Variants in ARGLU1 observed in about 807,000 individuals in gnomAD.
The protein encoded by ARGLU1 is arginine and glutamate rich 1, also known as arginine and glutamate-rich protein 1.
ARGLU1 carries 9 observed loss-of-function variants against 37.6 expected under a neutral mutation model. The ratio of observed to expected loss-of-function variants is 0.24; its 90% CI spans 0.14 to 0.42. The LOEUF (loss-of-function observed/expected upper bound fraction) is 0.42, where lower values mean the gene tolerates loss of function less well. Ranked by LOEUF, ARGLU1 falls within the 10% of genes least tolerant of loss-of-function variation. The pLI is 1.00. For missense variants in ARGLU1, 211 were observed against 359.2 expected, an observed-to-expected ratio of 0.59 and a Z score of 3.34; for synonymous variants, 166 against 138.5, an observed-to-expected ratio of 1.20 and a Z score of -1.39.
chr13:106,545,922 G>A (rs374880181), intron 3 of ARGLU1, among the ~76,000 whole-genome samples: 4 of 152,238 alleles, frequency 2.6e-5, no homozygotes, highest in South Asian at 4.1e-4. Flanking sequence ...CCTGGCTACT[G>A]GACACATCCA....
chr13:106,553,510 T>C (rs1880585572), intron 3 of ARGLU1, among the ~76,000 whole-genome samples: 1 of 152,228 alleles, frequency 6.6e-6, no homozygotes, highest in Non-Finnish European at 1.5e-5. Flanking sequence ...TTACTGTTAA[T>C]TGTCTTTGGA....
At chr13:106,556,459 T>C (rs545495193) in intron 3 of ARGLU1, among the ~76,000 whole-genome samples, 23 of 152,324 alleles carry the variant, frequency 1.5e-4, no homozygotes, top group African/African-American at 5.5e-4. Flanking sequence ...CACTGTTAAC[T>C]ACTCAGACCC....
At chr13:106,547,284 C>G (rs555972596) in intron 3 of ARGLU1, among the ~76,000 whole-genome samples, 12 of 152,198 alleles carry the variant, frequency 7.9e-5, no homozygotes, top group South Asian at 2.1e-4. Context: ...AAAGAGCACT[C>G]TCACACTATC....
rs750578052 is a variant in ARGLU1 at position 106,559,558 on chromosome 13, C to G, written c.447G>C (p.Arg149Ser). Reference sequence around the variant, plus strand: ...GAACTTCTCGTTCAATTTCATCCTTCCTTTTCTCCAGTTCTTCCTCCACCC... The same window carrying G: ...GAACTTCTCGTTCAATTTCATCCTTGCTTTTCTCCAGTTCTTCCTCCACCC... ...AKRVEEELEK[R>S]KDEIEREVLR... The change falls in exon 2 of 4, where the codon AGG (arginine) becomes AGC (serine). Residue 149 changes from arginine to serine, a missense_variant. Arg to Ser is a moderately radical substitution (Grantham distance 110, BLOSUM62 -1). Around this residue, in one of 3 missense-constraint regions of ARGLU1, gnomAD observed 80 missense variants for 158.4 expected, o/e 0.51. Transcript: ENST00000400198. 6.2e-7 allele frequency: 1 copy of G among 1,614,220 alleles called. No individual in the cohort carries two copies. The highest frequency in any genetic ancestry group is 1.3e-5 in the African/African-American group (1 of 75,060).
chr13:106,559,132 C>T, intron 2 of ARGLU1: 1 of 1,317,236 alleles, frequency 7.6e-7, no homozygotes, highest in Non-Finnish European at 9.8e-7. Flanking sequence ...CCACCGTCCT[C>T]CCAAAAAAGA....
At chr13:106,552,880 G>T (rs1400675488) in intron 3 of ARGLU1, among the ~76,000 whole-genome samples, 1 of 152,050 alleles carries the variant, frequency 6.6e-6, no homozygotes, top group Non-Finnish European at 1.5e-5. Context: ...TTTTGTCTCT[G>T]TTGACAAACC....
chr13:106,551,779 C>A (rs951278253), intron 3 of ARGLU1, among the ~76,000 whole-genome samples: 1 of 152,178 alleles, frequency 6.6e-6, no homozygotes, highest in Non-Finnish European at 1.5e-5. Flanking sequence ...GCCTACATCA[C>A]TTCAATCTTC....
chr13:106,547,612 A>C (rs2138964220), intron 3 of ARGLU1, among the ~76,000 whole-genome samples: 1 of 152,358 alleles, frequency 6.6e-6, no homozygotes, highest in South Asian at 2.1e-4. Context: ...TAAATGAAAA[A>C]AAGAAAGTTC....
intron 1 of ARGLU1, among the ~76,000 whole-genome samples, chr13:106,560,070 G>A (rs898149195): frequency 3.3e-5 from 5 of 152,174 alleles, no homozygotes; most frequent in Admixed American, 6.5e-5. Flanking sequence ...AAATTATGTA[G>A]CAGGCAACTC....
At chr13:106,559,814 AC>A (rs1880747629) in intron 1 of ARGLU1, among the ~76,000 whole-genome samples, 157 bp from the exon 2 acceptor site, 1 of 152,234 alleles carries the variant, frequency 6.6e-6, no homozygotes, top group Non-Finnish European at 1.5e-5. Flanking sequence ...AATGACAGAT[AC>A]CAAGATGTTA....
At chr13:106,559,129 C>A in intron 2 of ARGLU1, 1 of 1,309,582 alleles carries the variant, frequency 7.6e-7, no homozygotes, top group Non-Finnish European at 9.8e-7. Context: ...TCCCCACCGT[C>A]CTCCCAAAAA....
intron 1 of ARGLU1, among the ~76,000 whole-genome samples, chr13:106,562,279 A>G (rs921416111): frequency 3.3e-5 from 5 of 152,232 alleles, no homozygotes; most frequent in African/African-American, 1.2e-4. Flanking sequence ...ACAATGCTGA[A>G]GGAAAGCTCA....
rs1456775467 is a variant in ARGLU1, at chr13:106,543,508, T to A, written c.*488A>T. On this transcript the variant is annotated 3_prime_UTR_variant, in exon 4 of 4. Transcript: ENST00000400198. ...GTATCAGGAACATCAAGAGCAACAG[T>A]ATCACAAGGACACTGGTTTAACAAT... 1 of 152,938 alleles carries A rather than the reference T, an allele frequency of 6.5e-6. No individual in the cohort carries two copies. The highest frequency in any genetic ancestry group is 2.1e-4 in the South Asian group (1 of 4,838). The allele number at this position is 152,938 out of a possible 1,614,324, so 9.5% of individuals were successfully genotyped here. A position where few individuals can be genotyped will look rare whatever the true frequency, so the allele number is the denominator to read the frequency against.
intron 3 of ARGLU1, among the ~76,000 whole-genome samples, chr13:106,545,382 T>C (rs945697791): frequency 1.3e-5 from 2 of 152,238 alleles, no homozygotes; most frequent in African/African-American, 4.8e-5. Context: ...TTTAGGTCAT[T>C]GATTCCATCT....
chr13:106,560,971 GTTAC>G, intron 1 of ARGLU1, among the ~76,000 whole-genome samples: 1 of 152,288 alleles, frequency 6.6e-6, no homozygotes, highest in East Asian at 1.9e-4. Flanking sequence ...TTCAACTCCT[GTTAC>G]TTATTCAGTG....
intron 3 of ARGLU1, among the ~76,000 whole-genome samples, chr13:106,552,496 G>GTA (rs1880556769): frequency 6.6e-6 from 1 of 152,098 alleles, no homozygotes; most frequent in Non-Finnish European, 1.5e-5. Context: ...CTTGACAAGG[G>GTA]TATAGATTGA....
At chr13:106,564,179 C>T (rs772101507) in intron 1 of ARGLU1, among the ~76,000 whole-genome samples, 1 of 152,120 alleles carries the variant, frequency 6.6e-6, no homozygotes, top group African/African-American at 2.4e-5. Flanking sequence ...ATGTAAAGGC[C>T]TACCTTCTCA....
chr13:106,542,821 A>G lies in ARGLU1; in HGVS notation c.*1175T>C, dbSNP rs949479940. ...ATGAAAGCCATTCATAAGATTTCAC[A>G]TGCAAAAAAAAAAAAAAAATTCATA... On this transcript the variant is annotated 3_prime_UTR_variant, in exon 4 of 4. Transcript: ENST00000400198. 3.3e-5 allele frequency: 5 copies of G among 149,624 alleles called. No homozygotes were observed. The highest frequency in any genetic ancestry group is 7.4e-5 in the Non-Finnish European group (5 of 67,390). The allele number at this position is 149,624 out of a possible 1,614,324, so 9.3% of individuals were successfully genotyped here. A position where few individuals can be genotyped will look rare whatever the true frequency, so the allele number is the denominator to read the frequency against.
At chr13:106,553,315 C>A (rs191906598) in intron 3 of ARGLU1, among the ~76,000 whole-genome samples, 1 of 152,250 alleles carries the variant, frequency 6.6e-6, no homozygotes, top group East Asian at 1.9e-4. Flanking sequence ...TGTATTTCCC[C>A]TGAATTATCA....
Sources: allele counts gnomAD v4.1 joint callset (sites outside exome capture counted in the v4.1 genomes callset), GRCh38; gene constraint gnomAD v4.1.1; regional missense constraint gnomAD v4.1.1; transcripts MANE v1.5; gene names NCBI Gene and HGNC (gene_info 2026-07-23, HGNC 2026-07-21).